The following POLR3E variants were observed in gnomAD, a reference collection of about 807,000 sequenced individuals.
The protein encoded by POLR3E is DNA-directed RNA polymerase III subunit RPC5.
In POLR3E, 41 loss-of-function variants were observed where a neutral mutation model predicts 96.6. The observed-to-expected ratio is 0.42, with a 90% CI of 0.33 to 0.55. The LOEUF is 0.55. Among genes scored for constraint, POLR3E ranks in the 20% least tolerant of loss-of-function variants. The pLI, the probability that POLR3E is intolerant of heterozygous loss-of-function variation, is 0.06. For missense variants in POLR3E, 849 were observed against 952.1 expected (o/e 0.89, Z 1.43); for synonymous variants, 396 against 383.6 (o/e 1.03, Z -0.38).
rs900760545 is a variant in POLR3E at position 22,305,021 on chromosome 16, G to A, written c.37-135G>A. ...TTGGATCCGCTTGCTTTTAGCATGAGCTGAGCTATTTCCTCCTTCCCCAAA... is the reference window on the plus strand; with the variant it reads ...TTGGATCCGCTTGCTTTTAGCATGAACTGAGCTATTTCCTCCTTCCCCAAA... On this transcript the variant is annotated intron_variant, in intron 2 of 20. Transcript: ENST00000299853. The A allele has an allele frequency of 2.3e-5, 17 of 750,948 alleles. No homozygotes were observed. In the African/African-American group the frequency reaches 2.7e-4, roughly 12 times the overall value. The allele number at this position is 750,948 out of a possible 1,614,324, so 46.5% of individuals were successfully genotyped here. A position where few individuals can be genotyped will look rare whatever the true frequency, so the allele number is the denominator to read the frequency against.
intron 9 of POLR3E, 42 bp downstream of exon 9, chr16:22,315,250 G>C: frequency 6.5e-7 from 1 of 1,550,056 alleles, no homozygotes; most frequent in Non-Finnish European, 8.7e-7. Flanking sequence ...ACACCTCGGT[G>C]CCCGGAAGGG....
Position 22,313,717 on chromosome 16 carries a change from G to A in POLR3E, c.462G>A (p.Ala154=), listed in dbSNP as rs547042620. 149 of 1,609,290 alleles carry A rather than the reference G, an allele frequency of 9.3e-5. No homozygotes were observed. The highest frequency in any genetic ancestry group is 1.3e-4 in the Admixed American group (8 of 59,998). Residue 154 remains alanine, a synonymous_variant, in exon 7 of 21, where the codon GCG becomes GCA. Coordinates refer to ENST00000299853, the MANE Select transcript of POLR3E (RefSeq NM_018119.4). This position sits in a 1 kb window ranked among gnomAD's most constrained non-coding sequence, Gnocchi z 4.1. ...KADAKHRERE[A]ANEAGDSSQD... ...ACGCCAAGCACCGGGAGAGGGAGGC[G>A]GCCAACGAGGGTGAGCCCGGGATCC...
chr16:22,330,139 T>C (rs1217689618), intron 19 of POLR3E, among the ~76,000 whole-genome samples: 3 of 151,780 alleles, frequency 2.0e-5, no homozygotes, highest in African/African-American at 7.3e-5. Flanking sequence ...AGTGGTGCCA[T>C]CTCAGCTCAC....
At chr16:22,332,251 G>A (rs749277873) in intron 20 of POLR3E, 66 bp downstream of exon 20, 31 of 1,461,480 alleles carry the variant, frequency 2.1e-5, no homozygotes, top group Non-Finnish European at 2.7e-5. Flanking sequence ...GTGTGTAGAA[G>A]GGACTCTAGT....
chr16:22,315,159 A>AT lies in POLR3E; in HGVS notation c.593_594insT (p.Lys198AsnfsTer22). The AT allele has an allele frequency of 6.2e-7, 1 of 1,610,076 alleles. No homozygotes were observed. Among genetic ancestry groups the AT allele is most frequent in the Non-Finnish European group, 8.5e-7 (1 of 1,178,206 alleles). On this transcript the variant is annotated frameshift_variant, in exon 9 of 21. Coordinates refer to ENST00000299853, the MANE Select transcript of POLR3E (RefSeq NM_018119.4). LOFTEE classifies it high-confidence loss of function. Reference sequence around the variant, plus strand: ...GTGCAGTCCTATGAGTTCCTGCAGAAGAAGCACGCAGAGGAGCCCTGGGTC... The same window carrying AT: ...GTGCAGTCCTATGAGTTCCTGCAGAATGAAGCACGCAGAGGAGCCCTGGGTC...
intron 16 of POLR3E, 151 bp from the exon 17 acceptor site, chr16:22,325,054 G>T (rs1467390043): frequency 7.0e-6 from 5 of 716,818 alleles, no homozygotes; most frequent in Non-Finnish European, 1.3e-5. Context: ...TGTGCACTCT[G>T]CCAGAAGAGG....
intron 2 of POLR3E, among the ~76,000 whole-genome samples, chr16:22,303,639 CTTTT>C (rs58949663): frequency 3.5e-5 from 4 of 114,256 alleles, no homozygotes; most frequent in Admixed American, 8.7e-5. Flanking sequence ...GCAGATTTCC[CTTTT>C]TTTTTTTTTT....
intron 20 of POLR3E, 110 bp from the exon 21 acceptor site, chr16:22,333,534 C>A: frequency 1.3e-6 from 1 of 766,922 alleles, no homozygotes. Context: ...TTTTGATTTC[C>A]CATTTGTATT....
rs1459991167 is a variant in POLR3E at position 22,326,651 on chromosome 16, ATCT to A, written c.1866+378_1866+380del. On this transcript the variant is annotated intron_variant, in intron 18 of 20. Transcript: ENST00000299853. The stretch of plus-strand genomic sequence containing the variant: ...ATGATTTAACTTCTAAGATCGTTTG[ATCT>A]TCTTTGCAATCTGCAGATGAAGAAA... 1.2e-5 allele frequency: 4 copies of A among 343,806 alleles called. No homozygotes were observed. The Admixed American group carries it at 1.3e-4, about 11-fold the overall frequency. The allele number at this position is 343,806 out of a possible 1,614,324, so 21.3% of individuals were successfully genotyped here.
chr16:22,317,122 C>G lies in POLR3E; in HGVS notation c.781C>G (p.Pro261Ala). The change falls in exon 12 of 21, where the codon CCT becomes GCT. Residue 261 changes from proline to alanine, a missense_variant. Transcript: ENST00000299853. ...CCCCTCTGCTTTTCCCAGAGACAAG[C>G]CTGTGGCCCCCAGCAACGTCCTGTC... Reference protein sequence around the residue: ...PPSQEEEKDKPVAPSNVLSMA... With the variant: ...PPSQEEEKDKAVAPSNVLSMA... 3.1e-6 allele frequency: 5 copies of G among 1,614,140 alleles called. No individual in the cohort carries two copies. Among genetic ancestry groups the G allele is most frequent in the Non-Finnish European group, 4.2e-6 (5 of 1,179,976 alleles).
chr16:22,333,834 G>C lies in POLR3E; in HGVS notation c.*134G>C. 1 of 657,770 alleles carries C rather than the reference G, an allele frequency of 1.5e-6. No individual in the cohort carries two copies. Among genetic ancestry groups the C allele is most frequent in the Non-Finnish European group, 2.8e-6 (1 of 357,912 alleles). The allele number at this position is 657,770 out of a possible 1,614,324, so 40.7% of individuals were successfully genotyped here. ...CATCTCATGACCTGTGGCATTGCACGGTGCAGTGGACAGAAGGGATTATCC... is the reference window on the plus strand; with the variant it reads ...CATCTCATGACCTGTGGCATTGCACCGTGCAGTGGACAGAAGGGATTATCC... On this transcript the variant is annotated 3_prime_UTR_variant, in exon 21 of 21. Coordinates refer to ENST00000299853, the MANE Select transcript of POLR3E (RefSeq NM_018119.4).
chr16:22,314,639 A>G lies in POLR3E; in HGVS notation c.523-450A>G, dbSNP rs1012328665. On this transcript the variant is annotated intron_variant, in intron 8 of 20. Transcript: ENST00000299853. ...TGCTACACGTAGAATGATGATACAC[A>G]AGTATGGCTAGAGAGTGGTGAGTGT... Among the ~76,000 whole-genome samples, 4 of 152,360 alleles carry G rather than the reference A, an allele frequency of 2.6e-5. No individual in the cohort carries two copies. The South Asian group carries it at 8.3e-4, about 32-fold the overall frequency.
Position 22,334,043 on chromosome 16 carries a change from C to A in POLR3E, c.*343C>A. On this transcript the variant is annotated 3_prime_UTR_variant, in exon 21 of 21. Transcript: ENST00000299853. The stretch of plus-strand genomic sequence containing the variant: ...GATAAAAATCATGGTTTAATATTTT[C>A]TTTTGTAAACTTAATGCCAACAAGG... 4.4e-6 allele frequency: 1 copy of A among 225,842 alleles called. No homozygotes were observed. Among genetic ancestry groups the A allele is most frequent in the African/African-American group, 2.2e-5 (1 of 44,518 alleles). The allele number at this position is 225,842 out of a possible 1,614,324, so 14.0% of individuals were successfully genotyped here.
At chr16:22,323,117 TC>T (rs1305669961) in intron 14 of POLR3E, among the ~76,000 whole-genome samples, 186 bp downstream of exon 14, 5 of 150,352 alleles carry the variant, frequency 3.3e-5, no homozygotes, top group Non-Finnish European at 7.4e-5. Context: ...GAAAGAACCT[TC>T]CAGTTCCTCT....
Position 22,332,259 on chromosome 16 carries a change from A to G in POLR3E, c.2070+74A>G, listed in dbSNP as rs1022127627. 49 of 1,393,204 alleles carry G rather than the reference A, an allele frequency of 3.5e-5. 1 individual carries two copies. In the Middle Eastern group the frequency reaches 9.5e-4, roughly 27 times the overall value. 86.3% of individuals were successfully genotyped at this position (1,393,204 alleles called of 1,614,324 possible). A position where few individuals can be genotyped will look rare whatever the true frequency, so the allele number is the denominator to read the frequency against. ...GCTGACAGTGTGTAGAAGGGACTCTAGTGTCTTTGTGTATATGAAATCAGG... is the reference window on the plus strand; with the variant it reads ...GCTGACAGTGTGTAGAAGGGACTCTGGTGTCTTTGTGTATATGAAATCAGG... On this transcript the variant is annotated intron_variant, in intron 20 of 20. Coordinates refer to ENST00000299853, the MANE Select transcript of POLR3E (RefSeq NM_018119.4).
At chr16:22,297,737 C>T (rs2047924341) in intron 1 of POLR3E, among the ~76,000 whole-genome samples, 200 bp downstream of exon 1, 1 of 152,260 alleles carries the variant, frequency 6.6e-6, no homozygotes, top group Admixed American at 6.5e-5. Context: ...CTTGACCTGA[C>T]ACCTGGGAGT....
In POLR3E at chr16:22,315,173, G is replaced by A; in HGVS notation, c.607G>A (p.Glu203Lys). The change falls in exon 9 of 21, where the codon GAG (glutamate) becomes AAG (lysine). Residue 203 changes from glutamate to lysine, a missense_variant. Physicochemically the swap from Glu to Lys is moderately conservative, Grantham distance 56. Coordinates refer to ENST00000299853, the MANE Select transcript of POLR3E (RefSeq NM_018119.4). ...GTTCCTGCAGAAGAAGCACGCAGAGGAGCCCTGGGTCCACCTGCATTACTA... is the reference window on the plus strand; with the variant it reads ...GTTCCTGCAGAAGAAGCACGCAGAGAAGCCCTGGGTCCACCTGCATTACTA... ...YEFLQKKHAE[E>K]PWVHLHYYGL... 2 of 1,605,090 alleles carry A rather than the reference G, an allele frequency of 1.2e-6. No individual in the cohort carries two copies. Among genetic ancestry groups the A allele is most frequent in the Non-Finnish European group, 1.7e-6 (2 of 1,175,794 alleles).
chr16:22,328,642 G>A (rs371596125), intron 19 of POLR3E, 55 bp downstream of exon 19: 241 of 1,449,232 alleles, frequency 1.7e-4, no homozygotes, highest in Non-Finnish European at 2.2e-4. Context: ...TTCCTGCAGC[G>A]TTGGAGGCCT....
intron 13 of POLR3E, among the ~76,000 whole-genome samples, chr16:22,321,522 A>G (rs969703191): frequency 6.6e-6 from 1 of 152,208 alleles, no homozygotes; most frequent in Non-Finnish European, 1.5e-5. Context: ...CGCATCGCGT[A>G]TTACATAGGA....
Sources: gnomAD v4.1 joint callset for allele counts (sites outside exome capture counted in the v4.1 genomes callset) on GRCh38, gnomAD v4.1.1 for gene constraint, Gnocchi (gnomAD v3.1) non-coding constraint, MANE v1.5 for transcripts, NCBI Gene and HGNC (gene_info 2026-07-23, HGNC 2026-07-21) for gene names.